The following SYT17 variants were observed in gnomAD, a reference collection of about 807,000 sequenced individuals.
The protein encoded by SYT17 is synaptotagmin 17.
A neutral mutation model predicts 46.7 loss-of-function variants in SYT17; 22 were observed. The observed-to-expected ratio is 0.47, with a 90% CI of 0.34 to 0.67. The LOEUF is 0.67. Among genes scored for constraint, SYT17 ranks in the 30% least tolerant of loss-of-function variants. The probability of loss-of-function intolerance (pLI) is 0.01; values close to 1 mark genes in which losing one functional copy is unlikely to be tolerated. For synonymous variants in SYT17, 251 were observed against 248.4 expected (o/e 1.01, Z -0.10); for missense variants, 519 against 612.8 (o/e 0.85, Z 1.62).
chr16:19,259,176 C>T (rs989979799), intron 7 of SYT17, among the ~76,000 whole-genome samples: 1 of 152,116 alleles, frequency 6.6e-6, no homozygotes, highest in Non-Finnish European at 1.5e-5. Flanking sequence ...TAAGCGAAAT[C>T]AGAAGAGAAA....
Position 19,183,658 on chromosome 16 carries a change from C to A in SYT17, c.462C>A (p.Phe154Leu). 6.2e-7 allele frequency: 1 copy of A among 1,614,212 alleles called. No individual in the cohort carries two copies. The highest frequency in any genetic ancestry group is 1.3e-5 in the African/African-American group (1 of 75,040). Residue 154 changes from phenylalanine (F) to leucine (L), a missense_variant, in exon 5 of 8, where the codon TTC (phenylalanine) becomes TTA (leucine). Phe to Leu is a conservative substitution (Grantham distance 22). Coordinates refer to ENST00000355377, the MANE Select transcript of SYT17 (RefSeq NM_016524.4). This position sits in a 1 kb window ranked among gnomAD's most constrained non-coding sequence, Gnocchi z 5.6. ...LRRTYNPDDY[F>L]RKFEPHLYSL... Reference sequence around the variant, plus strand: ...GGACCTATAACCCCGACGACTATTTCAGGAAGTTCGAACCCCACCTGTACT... The same window carrying A: ...GGACCTATAACCCCGACGACTATTTAAGGAAGTTCGAACCCCACCTGTACT...
At chr16:19,171,162 T>C (rs1964066899) in intron 1 of SYT17, 1 of 152,492 alleles carries the variant, frequency 6.6e-6, no homozygotes, top group African/African-American at 2.4e-5. Context: ...GGTCTTGTTC[T>C]GTGTATGGTT....
At position 19,180,265 on chromosome 16, in the gene SYT17, C is replaced by T. The variant is rs572404918; in HGVS notation, c.183-126C>T. 235 of 988,004 alleles carry T rather than the reference C, an allele frequency of 2.4e-4. 1 individual carries two copies. Among genetic ancestry groups the T allele is most frequent in the Non-Finnish European group, 3.2e-4 (211 of 655,048 alleles). The allele number at this position is 988,004 out of a possible 1,614,324, so 61.2% of individuals were successfully genotyped here. ...TAAGGACACCACACTGTCAAATTTG[C>T]ATTATTCCATGTTGCATAAAATGAG... On this transcript the variant is annotated intron_variant, in intron 3 of 7. Coordinates refer to ENST00000355377, the MANE Select transcript of SYT17 (RefSeq NM_016524.4).
chr16:19,249,191 G>A (rs1967828766), intron 7 of SYT17, among the ~76,000 whole-genome samples: 1 of 151,946 alleles, frequency 6.6e-6, no homozygotes, highest in African/African-American at 2.4e-5. Context: ...GGAGAATGGT[G>A]TGAACCCAGA....
chr16:19,239,480 C>T (rs1006795727), intron 7 of SYT17, among the ~76,000 whole-genome samples: 4 of 152,054 alleles, frequency 2.6e-5, no homozygotes, highest in African/African-American at 4.8e-5. Flanking sequence ...TTGAGCAGAA[C>T]CTTTTAATCT....
intron 7 of SYT17, among the ~76,000 whole-genome samples, chr16:19,238,107 CAGA>C (rs1160657289): frequency 6.6e-6 from 1 of 152,158 alleles, no homozygotes; most frequent in Non-Finnish European, 1.5e-5. Context: ...GGAGAGGTGG[CAGA>C]AGGGTTTCAG....
In SYT17 at chr16:19,267,266, T is replaced by G; in HGVS notation, c.*190T>G. 1 of 482,484 alleles carries G rather than the reference T, an allele frequency of 2.1e-6. No homozygotes were observed. Among genetic ancestry groups the G allele is most frequent in the Non-Finnish European group, 3.3e-6 (1 of 305,346 alleles). The allele number at this position is 482,484 out of a possible 1,614,324, so 29.9% of individuals were successfully genotyped here. A position where few individuals can be genotyped will look rare whatever the true frequency, so the allele number is the denominator to read the frequency against. On this transcript the variant is annotated 3_prime_UTR_variant, in exon 8 of 8. Coordinates refer to ENST00000355377, the MANE Select transcript of SYT17 (RefSeq NM_016524.4). Reference sequence around the variant, plus strand: ...AGGAAGCTGACTATTGATCACAAAATGGCCGCCCTCAGTTGAGTGAGGCCT... The same window carrying G: ...AGGAAGCTGACTATTGATCACAAAAGGGCCGCCCTCAGTTGAGTGAGGCCT...
At chr16:19,249,994 A>G (rs1248069420) in intron 7 of SYT17, 4 of 1,536,078 alleles carry the variant, frequency 2.6e-6, no homozygotes, top group Non-Finnish European at 3.5e-6. Flanking sequence ...AGCTCATGGT[A>G]TCAGTCCTTG....
intron 7 of SYT17, among the ~76,000 whole-genome samples, chr16:19,240,813 C>G (rs1967047624): frequency 6.6e-6 from 1 of 152,244 alleles, no homozygotes; most frequent in Non-Finnish European, 1.5e-5. Context: ...GGCCCCTCCT[C>G]AGCCTCCCCG....
At chr16:19,261,437 T>C (rs778830482) in intron 7 of SYT17, among the ~76,000 whole-genome samples, 1 of 152,254 alleles carries the variant, frequency 6.6e-6, no homozygotes, top group Non-Finnish European at 1.5e-5. Flanking sequence ...GGCCAAGTGA[T>C]TCACCAGCCA....
At chr16:19,196,631 A>G (rs1271461585) in intron 5 of SYT17, among the ~76,000 whole-genome samples, 1 of 152,070 alleles carries the variant, frequency 6.6e-6, no homozygotes, top group South Asian at 2.1e-4. Flanking sequence ...AAGGTTTCCC[A>G]TATACACCCT....
intron 3 of SYT17, among the ~76,000 whole-genome samples, chr16:19,173,780 C>T (rs1964203732): frequency 6.6e-6 from 1 of 152,066 alleles, no homozygotes; most frequent in Non-Finnish European, 1.5e-5. Context: ...CTGGCGAGAC[C>T]AGCTGGTGGT....
chr16:19,229,398 G>C (rs1966604032), intron 7 of SYT17, among the ~76,000 whole-genome samples: 1 of 152,088 alleles, frequency 6.6e-6, no homozygotes, highest in Non-Finnish European at 1.5e-5. Flanking sequence ...GACATGGCCA[G>C]AGCAGGAGGA....
chr16:19,205,737 C>T (rs1395743890), intron 5 of SYT17, among the ~76,000 whole-genome samples: 5 of 152,238 alleles, frequency 3.3e-5, no homozygotes, highest in Admixed American at 2.6e-4. Context: ...CGGCCTCGGC[C>T]TCCCAAAGTG....
At chr16:19,209,289 C>T (rs1965798253) in intron 5 of SYT17, among the ~76,000 whole-genome samples, 1 of 152,044 alleles carries the variant, frequency 6.6e-6, no homozygotes, top group South Asian at 2.1e-4. Context: ...TAATAGTATC[C>T]ATAATACTTA....
intron 7 of SYT17, among the ~76,000 whole-genome samples, chr16:19,236,266 G>T (rs750958559): frequency 4.6e-5 from 7 of 152,160 alleles, no homozygotes; most frequent in Non-Finnish European, 8.8e-5. Flanking sequence ...CTGAACAATG[G>T]GGACAGTAAT....
intron 5 of SYT17, among the ~76,000 whole-genome samples, chr16:19,185,859 G>T (rs997584381): frequency 4.6e-5 from 7 of 152,210 alleles, no homozygotes; most frequent in African/African-American, 1.7e-4. Flanking sequence ...CATTCAGAGT[G>T]AGCCTGTAAT....
chr16:19,183,754 C>T lies in SYT17; in HGVS notation c.558C>T (p.Gly186=), dbSNP rs1354525291. The T allele has an allele frequency of 6.2e-7, 1 of 1,614,234 alleles. No homozygotes were observed. The change falls in exon 5 of 8, where the codon GGC becomes GGT. Residue 186 remains glycine, a synonymous_variant. Transcript: ENST00000355377. This position sits in a 1 kb window ranked among gnomAD's most constrained non-coding sequence, Gnocchi z 5.6. Reference sequence around the variant, plus strand: ...AGATCCTGTCCAAGTACCAGCTGGGCATGCTGCACTTCAGCACTCAGTACG... The same window carrying T: ...AGATCCTGTCCAAGTACCAGCTGGGTATGCTGCACTTCAGCACTCAGTACG... ...DEEILSKYQL[G]MLHFSTQYDL...
chr16:19,235,268 A>G (rs2142927084), intron 7 of SYT17, among the ~76,000 whole-genome samples: 1 of 152,324 alleles, frequency 6.6e-6, no homozygotes, highest in South Asian at 2.1e-4. Context: ...ATTATTCTAA[A>G]CAGTCTACTA....
Sources: gnomAD v4.1 joint callset for allele counts (sites outside exome capture counted in the v4.1 genomes callset) on GRCh38, gnomAD v4.1.1 for gene constraint, Gnocchi (gnomAD v3.1) non-coding constraint, MANE v1.5 for transcripts, NCBI Gene and HGNC (gene_info 2026-07-23, HGNC 2026-07-21) for gene names.